HCN1: variants seen among roughly 807,000 people sequenced by gnomAD.
The protein encoded by HCN1 is potassium/sodium hyperpolarization-activated cyclic nucleotide-gated channel 1.
In HCN1, 13 loss-of-function variants were observed where a neutral mutation model predicts 78.9. The observed-to-expected ratio is 0.16, with a 90% CI of 0.11 to 0.26. The LOEUF (loss-of-function observed/expected upper bound fraction) is 0.26. Ranked by LOEUF, HCN1 falls within the 10% of genes least tolerant of loss-of-function variation. HCN1 has a pLI of 1.00. For missense variants in HCN1, 810 were observed against 1,154.3 expected (o/e 0.70, Z 4.32); for synonymous variants, 552 against 455.5 (o/e 1.21, Z -2.70).
intron 2 of HCN1, among the ~76,000 whole-genome samples, chr5:45,487,255 G>A (rs914932786): frequency 6.6e-6 from 1 of 152,010 alleles, no homozygotes; most frequent in Non-Finnish European, 1.5e-5. Context: ...TGAAAATCTT[G>A]TTCATAATAT....
chr5:45,571,505 G>T (rs1401694853), intron 2 of HCN1, among the ~76,000 whole-genome samples: 1 of 152,162 alleles, frequency 6.6e-6, no homozygotes, highest in Non-Finnish European at 1.5e-5. Flanking sequence ...GGGGATGAAA[G>T]ATGTCATCAA....
chr5:45,379,222 G>T (rs1014179620), intron 4 of HCN1, among the ~76,000 whole-genome samples: 85 of 152,220 alleles, frequency 5.6e-4, no homozygotes, highest in African/African-American at 2.0e-3. Context: ...GGTTGAACTA[G>T]TTTACAGTCC....
chr5:45,497,071 T>C (rs898076301), intron 2 of HCN1, among the ~76,000 whole-genome samples: 2 of 152,206 alleles, frequency 1.3e-5, no homozygotes, highest in Admixed American at 6.5e-5. Context: ...TGAGAGATAG[T>C]TTGTTATAAT....
intron 2 of HCN1, among the ~76,000 whole-genome samples, chr5:45,479,046 G>A (rs1741586803): frequency 6.6e-6 from 1 of 151,732 alleles, no homozygotes; most frequent in African/African-American, 2.4e-5. Flanking sequence ...TCTTGAACCT[G>A]GACCCAGGAG....
At chr5:45,618,773 G>C (rs2580257) in intron 2 of HCN1, among the ~76,000 whole-genome samples, 1 of 151,978 alleles carries the variant, frequency 6.6e-6, no homozygotes, top group Non-Finnish European at 1.5e-5. Context: ...AGCTGATAGA[G>C]AGTCTAACTT....
intron 2 of HCN1, among the ~76,000 whole-genome samples, chr5:45,593,326 TCTCTCTCTCTCTCTCA>T (rs1744421173): frequency 7.4e-6 from 1 of 135,122 alleles, no homozygotes; most frequent in East Asian, 2.2e-4. Context: ...TCTCTCCCTC[TCTCTCTCTCTCTCTCA>T]CACACACACA....
chr5:45,472,630 G>GGGGA (rs1302567418), intron 2 of HCN1, among the ~76,000 whole-genome samples: 1 of 94,552 alleles, frequency 1.1e-5, no homozygotes, highest in Non-Finnish European at 2.1e-5. Context: ...GAAGGAAAGG[G>GGGGA]GGGAGGGAGG....
chr5:45,625,797 T>C (rs1360595041), intron 2 of HCN1, among the ~76,000 whole-genome samples: 1 of 152,072 alleles, frequency 6.6e-6, no homozygotes, highest in African/African-American at 2.4e-5. Context: ...TATTATTTTA[T>C]TGCAAACACC....
intron 1 of HCN1, among the ~76,000 whole-genome samples, chr5:45,672,512 T>A (rs1408801150): frequency 6.6e-6 from 1 of 150,884 alleles, no homozygotes; most frequent in Non-Finnish European, 1.5e-5. Context: ...CAACCCAGTT[T>A]GCAATAAAGG....
In HCN1 at chr5:45,317,321, A is replaced by T. The variant is rs956297754; in HGVS notation, c.1378-13482T>A. 4.6e-5 allele frequency among the ~76,000 whole-genome samples: 7 copies of T among 152,344 alleles called. No individual in the cohort carries two copies. In the East Asian group the frequency reaches 1.4e-3, roughly 29 times the overall value. On this transcript the variant is annotated intron_variant, in intron 5 of 7. Coordinates refer to ENST00000303230, the MANE Select transcript of HCN1 (RefSeq NM_021072.4). The stretch of plus-strand genomic sequence containing the variant: ...GACAAAAACAAGAATTGGGGAAAGG[A>T]TTCCCTATTTAATAAACGGTGCTAG...
intron 3 of HCN1, among the ~76,000 whole-genome samples, chr5:45,435,445 T>G (rs1186949247): frequency 6.6e-6 from 1 of 152,162 alleles, no homozygotes; most frequent in African/African-American, 2.4e-5. Context: ...AAAATCAATA[T>G]GAAATACATT....
At chr5:45,641,792 G>A (rs944437747) in intron 2 of HCN1, 2 of 152,066 alleles carry the variant, frequency 1.3e-5, no homozygotes, top group South Asian at 2.1e-4. Flanking sequence ...AGCTGTAAAG[G>A]AACTCTTCAC....
intron 2 of HCN1, among the ~76,000 whole-genome samples, chr5:45,570,890 G>A (rs1232043261): frequency 6.6e-6 from 1 of 152,004 alleles, no homozygotes; most frequent in Non-Finnish European, 1.5e-5. Flanking sequence ...GTGACAATTT[G>A]CTCCTGTGAC....
chr5:45,367,634 G>A (rs560641172), intron 4 of HCN1, among the ~76,000 whole-genome samples: 30 of 151,956 alleles, frequency 2.0e-4, no homozygotes, highest in Admixed American at 1.3e-3. Context: ...ATGGTCACTG[G>A]TTGATCTAAA....
chr5:45,361,159 C>T lies in HCN1; in HGVS notation c.1231-7913G>A, dbSNP rs562698874. On this transcript the variant is annotated intron_variant, in intron 4 of 7. Coordinates refer to ENST00000303230, the MANE Select transcript of HCN1 (RefSeq NM_021072.4). ...TCCAGGGTTCTAGCGATTCTCCTGC[C>T]TCAGCTGTAGCTGAGATTACAGGCA... Among the ~76,000 whole-genome samples, 4 of 152,264 alleles carry T rather than the reference C, an allele frequency of 2.6e-5. No homozygotes were observed. The South Asian group carries it at 6.2e-4, about 24-fold the overall frequency.
intron 2 of HCN1, among the ~76,000 whole-genome samples, chr5:45,547,984 A>G (rs1393667881): frequency 6.6e-6 from 1 of 151,960 alleles, no homozygotes; most frequent in African/African-American, 2.4e-5. Flanking sequence ...TGTTCTAGAT[A>G]TAATACATCA....
At chr5:45,508,881 A>C (rs1742357461) in intron 2 of HCN1, among the ~76,000 whole-genome samples, 1 of 152,122 alleles carries the variant, frequency 6.6e-6, no homozygotes, top group Admixed American at 6.6e-5. Flanking sequence ...GTGAAAGCCA[A>C]ACAAGCTAAG....
intron 2 of HCN1, among the ~76,000 whole-genome samples, chr5:45,472,489 A>C (rs1741411098): frequency 7.1e-6 from 1 of 140,110 alleles, no homozygotes; most frequent in Non-Finnish European, 1.6e-5. Flanking sequence ...AAAAGAACGG[A>C]GGAAAAGGGG....
intron 1 of HCN1, among the ~76,000 whole-genome samples, chr5:45,688,795 C>T (rs1038957506): frequency 6.6e-6 from 1 of 151,974 alleles, no homozygotes; most frequent in Non-Finnish European, 1.5e-5. Context: ...GAATGTTATT[C>T]AGCAAGGAAA....
Sources: gnomAD v4.1 joint callset for allele counts (sites outside exome capture counted in the v4.1 genomes callset) on GRCh38, gnomAD v4.1.1 for gene constraint, MANE v1.5 for transcripts, NCBI Gene and HGNC (gene_info 2026-07-23, HGNC 2026-07-21) for gene names.